The following IMMP2L variants were observed in gnomAD, a reference collection of about 807,000 sequenced individuals.
IMMP2L encodes mitochondrial inner membrane protease subunit 2.
A neutral mutation model predicts 19.3 loss-of-function variants in IMMP2L; 18 were observed. That is an observed-to-expected ratio of 0.93 (90% CI 0.64 to 1.38). The LOEUF is 1.38. Among genes scored for constraint, IMMP2L ranks in the 40% most tolerant of loss-of-function variants. The pLI, the probability that IMMP2L is intolerant of heterozygous loss-of-function variation, is 0.00. For synonymous variants in IMMP2L, 76 were observed against 73.0 expected, an observed-to-expected ratio of 1.04 and a Z score of -0.21; for missense variants, 233 against 218.2, an observed-to-expected ratio of 1.07 and a Z score of -0.43.
At chr7:111,306,737 A>G (rs1398512071) in intron 3 of IMMP2L, among the ~76,000 whole-genome samples, 4 of 151,468 alleles carry the variant, frequency 2.6e-5, no homozygotes, top group Non-Finnish European at 5.9e-5. Flanking sequence ...AGTGTAAGCA[A>G]TCTTTAGAGA....
intron 3 of IMMP2L, among the ~76,000 whole-genome samples, chr7:111,118,564 A>G (rs1160270751): frequency 1.3e-5 from 2 of 152,092 alleles, no homozygotes; most frequent in East Asian, 1.9e-4. Flanking sequence ...CTTACATTAA[A>G]AAGTGGAGAT....
At chr7:110,665,547 A>G (rs1791392268) in intron 5 of IMMP2L, among the ~76,000 whole-genome samples, 1 of 152,214 alleles carries the variant, frequency 6.6e-6, no homozygotes, top group African/African-American at 2.4e-5. Context: ...ATCAAGAGTC[A>G]CATATTGCAT....
intron 5 of IMMP2L, among the ~76,000 whole-genome samples, chr7:110,680,362 C>G (rs975916296): frequency 3.9e-5 from 6 of 152,184 alleles, no homozygotes; most frequent in Non-Finnish European, 7.4e-5. Flanking sequence ...GAGTGATCCA[C>G]TCCACTCTGC....
rs997865642 is a variant in IMMP2L at position 111,440,000 on chromosome 7, C to A, written c.239+47238G>T. Among the ~76,000 whole-genome samples, 8 of 151,882 alleles carry A rather than the reference C, an allele frequency of 5.3e-5. 1 individual carries two copies. The highest frequency in any genetic ancestry group is 1.9e-4 in the African/African-American group (8 of 41,184). On this transcript the variant is annotated intron_variant, in intron 3 of 5. Transcript: ENST00000405709. ...TGCTGATCCATAAGAAGCACCTCCT[C>A]ATCCGTTCAAGATTTATCACAAGAT...
At chr7:111,154,135 T>C (rs916477808) in intron 3 of IMMP2L, among the ~76,000 whole-genome samples, 2 of 152,160 alleles carry the variant, frequency 1.3e-5, no homozygotes, top group African/African-American at 2.4e-5. Flanking sequence ...TCTTAGTTTA[T>C]TAAAATTAAA....
At chr7:111,507,874 C>T (rs1157583656) in intron 2 of IMMP2L, among the ~76,000 whole-genome samples, 1 of 152,108 alleles carries the variant, frequency 6.6e-6, no homozygotes, top group African/African-American at 2.4e-5. Flanking sequence ...TCTCCAAAAT[C>T]TCCGTCATCA....
intron 3 of IMMP2L, among the ~76,000 whole-genome samples, chr7:111,041,553 G>A (rs549693984): frequency 3.3e-5 from 5 of 150,582 alleles, no homozygotes; most frequent in Middle Eastern, 3.4e-3. Context: ...CTTGGCTTAC[G>A]AGATAGCGTT....
chr7:110,807,753 T>C (rs1184561930), intron 5 of IMMP2L, among the ~76,000 whole-genome samples: 1 of 152,088 alleles, frequency 6.6e-6, no homozygotes, highest in African/African-American at 2.4e-5. Flanking sequence ...TAAGGTATCC[T>C]ACCAAGGAAA....
chr7:111,026,114 A>T (rs1826787404), intron 3 of IMMP2L, among the ~76,000 whole-genome samples: 1 of 152,150 alleles, frequency 6.6e-6, no homozygotes, highest in South Asian at 2.1e-4. Flanking sequence ...ACACATTTTT[A>T]AAAATAAAAT....
intron 3 of IMMP2L, among the ~76,000 whole-genome samples, chr7:111,384,619 T>G (rs1831556620): frequency 1.3e-5 from 2 of 152,076 alleles, no homozygotes; most frequent in South Asian, 4.1e-4. Flanking sequence ...AAAAATCTTT[T>G]GACTCTTCAG....
chr7:111,358,021 C>T (rs547483132), intron 3 of IMMP2L, among the ~76,000 whole-genome samples: 14 of 152,014 alleles, frequency 9.2e-5, no homozygotes, highest in African/African-American at 3.1e-4. Flanking sequence ...GATACCCTAT[C>T]TCAGAGTAGA....
At chr7:111,242,249 T>A (rs965454658) in intron 3 of IMMP2L, among the ~76,000 whole-genome samples, 2 of 152,026 alleles carry the variant, frequency 1.3e-5, no homozygotes, top group African/African-American at 4.8e-5. Flanking sequence ...CATAAATCAG[T>A]CCCTTTTAGA....
chr7:111,122,934 T>C, intron 3 of IMMP2L: 2 of 1,614,026 alleles, frequency 1.2e-6, no homozygotes, highest in East Asian at 4.5e-5. Flanking sequence ...CTACAGTGGA[T>C]TGTAATGATT....
chr7:111,401,320 CAAAGGCAATT>C (rs1178522279), intron 3 of IMMP2L, among the ~76,000 whole-genome samples: 10 of 152,052 alleles, frequency 6.6e-5, no homozygotes, highest in African/African-American at 2.2e-4. Context: ...TATGGGGGAG[CAAAGGCAATT>C]AAAGTCAATT....
chr7:111,407,803 A>T (rs1834025315), intron 3 of IMMP2L, among the ~76,000 whole-genome samples: 1 of 152,092 alleles, frequency 6.6e-6, no homozygotes, highest in Non-Finnish European at 1.5e-5. Context: ...TATGAAATGT[A>T]AATTACATAT....
intron 3 of IMMP2L, among the ~76,000 whole-genome samples, chr7:111,202,056 A>T (rs1210264893): frequency 1.3e-5 from 2 of 152,184 alleles, no homozygotes; most frequent in Non-Finnish European, 2.9e-5. Flanking sequence ...TTCAAAGCCC[A>T]TCTTTTGAAA....
chr7:111,501,984 A>C (rs1191031939), intron 2 of IMMP2L, among the ~76,000 whole-genome samples: 2 of 152,156 alleles, frequency 1.3e-5, no homozygotes, highest in African/African-American at 2.4e-5. Context: ...ATTAACTTTA[A>C]ATGTAAATGG....
intron 3 of IMMP2L, among the ~76,000 whole-genome samples, chr7:111,185,152 C>G (rs1180211035): frequency 1.3e-5 from 2 of 152,136 alleles, no homozygotes; most frequent in Non-Finnish European, 2.9e-5. Flanking sequence ...GGCAGTGGTC[C>G]AGTCCCTATG....
intron 3 of IMMP2L, among the ~76,000 whole-genome samples, chr7:111,212,172 ATC>A (rs142542772): frequency 1.7e-4 from 26 of 149,684 alleles, no homozygotes; most frequent in Non-Finnish European, 1.5e-4. Flanking sequence ...CTCTATCTCT[ATC>A]TCTCTCTCTC....
Sources: allele counts gnomAD v4.1 joint callset (sites outside exome capture counted in the v4.1 genomes callset), GRCh38; gene constraint gnomAD v4.1.1; transcripts MANE v1.5; gene names NCBI Gene and HGNC (gene_info 2026-07-23, HGNC 2026-07-21).